The following AGFG1 variants were observed in gnomAD, a reference collection of about 807,000 sequenced individuals.
AGFG1 encodes the protein ArfGAP with FG repeats 1, also known as arf-GAP domain and FG repeat-containing protein 1.
AGFG1 carries 10 observed loss-of-function variants against 60.6 expected under a neutral mutation model. The observed-to-expected ratio is 0.16, with a 90% CI of 0.10 to 0.28. The LOEUF (loss-of-function observed/expected upper bound fraction) is 0.28. Ranked by LOEUF, AGFG1 falls within the 10% of genes least tolerant of loss-of-function variation. AGFG1 has a pLI of 1.00. For synonymous variants in AGFG1, 247 were observed against 242.9 expected (o/e 1.02, Z -0.16); for missense variants, 537 against 676.5 (o/e 0.79, Z 2.29).
At chr2:227,486,203 A>G (rs1317287419) in intron 1 of AGFG1, among the ~76,000 whole-genome samples, 3 of 152,194 alleles carry the variant, frequency 2.0e-5, no homozygotes, top group Admixed American at 6.5e-5. Context: ...TCTTGTGTAT[A>G]ACATGGGACA....
intron 10 of AGFG1, among the ~76,000 whole-genome samples, chr2:227,538,350 G>A (rs1316488010): frequency 6.6e-6 from 1 of 152,180 alleles, no homozygotes; most frequent in Non-Finnish European, 1.5e-5. Flanking sequence ...ATAGTTACTT[G>A]CAGGTTGACC....
chr2:227,501,533 A>G (rs1482081822), intron 2 of AGFG1, among the ~76,000 whole-genome samples: 3 of 152,248 alleles, frequency 2.0e-5, no homozygotes, highest in Admixed American at 2.0e-4. Context: ...ACAAATATAC[A>G]CATAAACATC....
intron 2 of AGFG1, among the ~76,000 whole-genome samples, chr2:227,506,579 AG>A (rs1446510778): frequency 1.1e-4 from 16 of 150,222 alleles, no homozygotes; most frequent in Non-Finnish European, 2.1e-4. Context: ...AAAAAAAAAA[AG>A]CACATAGGCA....
chr2:227,484,688 GTTTTT>G (rs745570416), intron 1 of AGFG1, among the ~76,000 whole-genome samples: 6,552 of 25,236 alleles, frequency 0.26, 308 homozygotes, highest in African/African-American at 0.33. Flanking sequence ...TTTTTTTTTT[GTTTTT>G]TTTTTTTTTT....
chr2:227,517,806 C>T (rs1691698675), intron 2 of AGFG1, among the ~76,000 whole-genome samples: 1 of 152,178 alleles, frequency 6.6e-6, no homozygotes, highest in East Asian at 1.9e-4. Flanking sequence ...ATTTTGGAAA[C>T]TCGTGGACTT....
At chr2:227,533,785 C>T in intron 7 of AGFG1, 27 bp downstream of exon 7, 1 of 1,578,762 alleles carries the variant, frequency 6.3e-7, no homozygotes, top group Non-Finnish European at 8.7e-7. Flanking sequence ...AAAACAAATA[C>T]AAATTTGTGT....
intron 2 of AGFG1, among the ~76,000 whole-genome samples, chr2:227,515,868 A>G (rs1452880914): frequency 3.9e-5 from 6 of 152,156 alleles, no homozygotes; most frequent in African/African-American, 1.4e-4. Context: ...TGAAATAGCA[A>G]TGTTAGTAGA....
chr2:227,527,788 T>C (rs1397062750), intron 5 of AGFG1, among the ~76,000 whole-genome samples: 1 of 152,208 alleles, frequency 6.6e-6, no homozygotes, highest in African/African-American at 2.4e-5. Context: ...GTATGAGGTA[T>C]TGGCTAAAGC....
intron 2 of AGFG1, among the ~76,000 whole-genome samples, chr2:227,512,556 A>G (rs891691405): frequency 6.6e-6 from 1 of 152,190 alleles, no homozygotes; most frequent in Non-Finnish European, 1.5e-5. Context: ...TTCTCTGAGT[A>G]TGGACTTTTT....
chr2:227,493,012 T>G (rs962788460), intron 2 of AGFG1, among the ~76,000 whole-genome samples: 8 of 152,154 alleles, frequency 5.3e-5, no homozygotes, highest in African/African-American at 1.9e-4. Flanking sequence ...ATTCTATCTT[T>G]AGATTAAAAA....
chr2:227,533,963 T>G (rs1044283404), intron 7 of AGFG1, among the ~76,000 whole-genome samples: 1 of 152,208 alleles, frequency 6.6e-6, no homozygotes, highest in African/African-American at 2.4e-5. Context: ...AGGGACTGAT[T>G]TGTAAACTTT....
At position 227,537,546 on chromosome 2, in the gene AGFG1, T is replaced by C. The variant is rs148164166; in HGVS notation, c.1378+553T>C. ...GTATAATACTGAATATTTTCTCTTT[T>C]GATAATTTTTTCCCTTAATTCTCTT... is the stretch of plus-strand genomic sequence containing the variant. On this transcript the variant is annotated intron_variant, in intron 10 of 12. Coordinates refer to ENST00000310078, the MANE Select transcript of AGFG1 (RefSeq NM_004504.5). Among the ~76,000 whole-genome samples, 227 of 152,310 alleles carry C rather than the reference T, an allele frequency of 1.5e-3. 3 individuals are homozygous for C. The East Asian group carries it at 0.038, about 26-fold the overall frequency.
At chr2:227,476,211 T>G (rs1690276636) in intron 1 of AGFG1, among the ~76,000 whole-genome samples, 1 of 152,244 alleles carries the variant, frequency 6.6e-6, no homozygotes, top group Non-Finnish European at 1.5e-5. Context: ...GAAGGCATCC[T>G]AACTGATTGG....
chr2:227,510,894 A>G (rs1478827447), intron 2 of AGFG1: 2 of 151,938 alleles, frequency 1.3e-5, no homozygotes, highest in East Asian at 3.8e-4. Context: ...ATTGCATTAT[A>G]TTTCTCTCTA....
At chr2:227,547,146 T>G (rs1692674792) in intron 10 of AGFG1, among the ~76,000 whole-genome samples, 1 of 152,234 alleles carries the variant, frequency 6.6e-6, no homozygotes, top group African/African-American at 2.4e-5. Flanking sequence ...ATTAACATTA[T>G]GCACTATTCC....
At chr2:227,543,513 T>C (rs1692553514) in intron 10 of AGFG1, among the ~76,000 whole-genome samples, 1 of 152,248 alleles carries the variant, frequency 6.6e-6, no homozygotes, top group Non-Finnish European at 1.5e-5. Context: ...CACTGTGGTC[T>C]GAGAGACAGT....
chr2:227,500,751 A>C (rs2106181771), intron 2 of AGFG1, among the ~76,000 whole-genome samples: 1 of 152,258 alleles, frequency 6.6e-6, no homozygotes, highest in African/African-American at 2.4e-5. Flanking sequence ...TATAAACTGC[A>C]ATATATCTAT....
At chr2:227,543,810 A>G (rs528914361) in intron 10 of AGFG1, among the ~76,000 whole-genome samples, 40 of 150,496 alleles carry the variant, frequency 2.7e-4, no homozygotes, top group Admixed American at 2.5e-3. Flanking sequence ...GTAGGTCTCT[A>G]AGGACTTGCT....
intron 3 of AGFG1, among the ~76,000 whole-genome samples, chr2:227,520,647 C>T (rs1691797089): frequency 6.6e-6 from 1 of 152,186 alleles, no homozygotes; most frequent in East Asian, 1.9e-4. Flanking sequence ...GTACATATAG[C>T]TAGTAAGCCC....
Sources: gnomAD v4.1 joint callset for allele counts (sites outside exome capture counted in the v4.1 genomes callset) on GRCh38, gnomAD v4.1.1 for gene constraint, MANE v1.5 for transcripts, NCBI Gene and HGNC (gene_info 2026-07-23, HGNC 2026-07-21) for gene names.